Variants in ALK observed in about 807,000 individuals in gnomAD.
ALK encodes ALK receptor tyrosine kinase.
A neutral mutation model predicts 163.1 loss-of-function variants in ALK; 74 were observed. The ratio of observed to expected loss-of-function variants is 0.45; its 90% confidence interval spans 0.38 to 0.55. The LOEUF is 0.55. Ranked by LOEUF, ALK falls within the 20% of genes least tolerant of loss-of-function variation. The probability of loss-of-function intolerance (pLI) is 0.00; values close to 1 mark genes in which losing one functional copy is unlikely to be tolerated. For missense variants in ALK, 2,063 were observed against 2,105.3 expected (o/e 0.98, Z 0.39); for synonymous variants, 960 against 843.2 (o/e 1.14, Z -2.40).
At chr2:29,429,896 A>G (rs967990080) in intron 4 of ALK, among the ~76,000 whole-genome samples, 1 of 152,202 alleles carries the variant, frequency 6.6e-6, no homozygotes. Flanking sequence ...ATGAAATAGA[A>G]TTGAAATAAA....
chr2:29,908,823 A>G (rs1182152021), intron 1 of ALK, among the ~76,000 whole-genome samples: 2 of 152,208 alleles, frequency 1.3e-5, no homozygotes, highest in African/African-American at 4.8e-5. Flanking sequence ...TTTAGCATTC[A>G]AGTGCTGCCT....
intron 26 of ALK, among the ~76,000 whole-genome samples, chr2:29,206,936 C>T (rs1237721230): frequency 6.6e-6 from 1 of 152,176 alleles, no homozygotes; most frequent in Non-Finnish European, 1.5e-5. Flanking sequence ...CAGCTAGATC[C>T]CAGACCTTCT....
intron 1 of ALK, among the ~76,000 whole-genome samples, chr2:29,810,278 C>T (rs750790531): frequency 2.0e-5 from 3 of 151,876 alleles, no homozygotes; most frequent in Admixed American, 6.6e-5. Flanking sequence ...AAAAATCAGC[C>T]GAGTGTGGTG....
chr2:29,309,029 C>T (rs975356990), intron 8 of ALK, among the ~76,000 whole-genome samples: 3 of 152,064 alleles, frequency 2.0e-5, no homozygotes, highest in African/African-American at 7.2e-5. Context: ...CAAACGGCCT[C>T]CTCTGTGTCT....
At chr2:29,494,276 C>G (rs1671971970) in intron 4 of ALK, among the ~76,000 whole-genome samples, 1 of 152,172 alleles carries the variant, frequency 6.6e-6, no homozygotes, top group South Asian at 2.1e-4. Context: ...AGCTTTGAGG[C>G]CTCCAGACCT....
Position 29,817,060 on chromosome 2 carries a change from A to G in ALK, c.668-99363T>C, listed in dbSNP as rs867985942. Among the ~76,000 whole-genome samples the G allele has an allele frequency of 1.2e-4, 18 of 152,304 alleles. No homozygotes were observed. The South Asian group carries it at 2.1e-3, about 18-fold the overall frequency. ...GTAGAAAACTGTCCATTCCTCTTTT[A>G]CAGAGGACACGATGGAAGCATGGGG... On this transcript the variant is annotated intron_variant, in intron 1 of 28. Transcript: ENST00000389048.
intron 1 of ALK, among the ~76,000 whole-genome samples, chr2:29,806,677 A>C (rs1664625458): frequency 6.6e-6 from 1 of 152,176 alleles, no homozygotes; most frequent in Non-Finnish European, 1.5e-5. Context: ...GTGAGGACTT[A>C]AAGCCTTCCG....
intron 7 of ALK, among the ~76,000 whole-genome samples, chr2:29,320,549 A>G (rs1168925923): frequency 1.3e-5 from 2 of 152,252 alleles, no homozygotes; most frequent in East Asian, 1.9e-4. Context: ...TAAGTAACCA[A>G]AGGTGACATC....
At chr2:29,531,253 T>C (rs1026319055) in intron 4 of ALK, among the ~76,000 whole-genome samples, 2 of 152,366 alleles carry the variant, frequency 1.3e-5, no homozygotes, top group Non-Finnish European at 1.5e-5. Context: ...TTTATACTTA[T>C]GGAATGGAAA....
intron 4 of ALK, among the ~76,000 whole-genome samples, chr2:29,473,755 C>G (rs146895693): frequency 0.07 from 10,704 of 152,148 alleles, 523 homozygotes; most frequent in Non-Finnish European, 0.11. Flanking sequence ...ACTCAGGAGG[C>G]TGAGGCAGGA....
At chr2:29,663,157 C>G (rs1677402047) in intron 3 of ALK, among the ~76,000 whole-genome samples, 1 of 152,158 alleles carries the variant, frequency 6.6e-6, no homozygotes, top group African/African-American at 2.4e-5. Flanking sequence ...GCAGACTAAA[C>G]CACGGGCCTA....
intron 3 of ALK, among the ~76,000 whole-genome samples, chr2:29,579,028 T>C (rs890892386): frequency 1.3e-5 from 2 of 152,226 alleles, no homozygotes; most frequent in African/African-American, 4.8e-5. Context: ...CTTGAAGAAG[T>C]ACTAGCTATC....
At chr2:29,750,805 C>T (rs1371925485) in intron 1 of ALK, among the ~76,000 whole-genome samples, 5 of 152,072 alleles carry the variant, frequency 3.3e-5, no homozygotes, top group African/African-American at 1.2e-4. Flanking sequence ...TGGCTTGTGG[C>T]TCATGCCTGT....
rs142299358 is a variant in ALK, at chr2:29,334,875, C to T, written c.1283-6394G>A. On this transcript the variant is annotated intron_variant, in intron 5 of 28. Coordinates refer to ENST00000389048, the MANE Select transcript of ALK (RefSeq NM_004304.5). The stretch of plus-strand genomic sequence containing the variant: ...ACTAACGAGGCACAACAAAAAACAA[C>T]GCTCTGTCTTCTCAAGTTCTGTTTT... Among the ~76,000 whole-genome samples the T allele has an allele frequency of 2.4e-4, 36 of 152,282 alleles. No homozygotes were observed. The East Asian group carries it at 4.2e-3, about 18-fold the overall frequency.
At chr2:29,275,573 G>A in intron 9 of ALK, 77 bp from the exon 10 acceptor site, 1 of 1,432,374 alleles carries the variant, frequency 7.0e-7, no homozygotes, top group South Asian at 1.1e-5. Context: ...CAGCAGGTGT[G>A]TGCTGATCAC....
chr2:29,275,553 A>G, intron 9 of ALK, 57 bp from the exon 10 acceptor site: 1 of 1,574,034 alleles, frequency 6.4e-7, no homozygotes, highest in Middle Eastern at 1.7e-4. Context: ...TTGTCTTAGG[A>G]TTCAGCATCC....
intron 4 of ALK, among the ~76,000 whole-genome samples, chr2:29,496,401 A>G (rs1573402238): frequency 6.6e-6 from 1 of 152,330 alleles, no homozygotes; most frequent in East Asian, 1.9e-4. Context: ...GGGTCACTGC[A>G]TATGGCAGTG....
chr2:29,849,880 C>T (rs971491535), intron 1 of ALK, among the ~76,000 whole-genome samples: 3 of 152,102 alleles, frequency 2.0e-5, no homozygotes, highest in Non-Finnish European at 2.9e-5. Context: ...CCTCCAATCT[C>T]GTGGTGCCAA....
chr2:29,676,467 T>TTA (rs1677875981), intron 3 of ALK, among the ~76,000 whole-genome samples: 1 of 152,092 alleles, frequency 6.6e-6, no homozygotes, highest in Non-Finnish European at 1.5e-5. Flanking sequence ...AGTCAGTTGA[T>TTA]TATAAATTAA....
Sources: allele counts gnomAD v4.1 joint callset (sites outside exome capture counted in the v4.1 genomes callset), GRCh38; gene constraint gnomAD v4.1.1; transcripts MANE v1.5; gene names NCBI Gene and HGNC (gene_info 2026-07-23, HGNC 2026-07-21).